Variants in DMD observed in about 807,000 individuals in gnomAD.
DMD encodes the protein mutant dystrophin.
In DMD, 63 loss-of-function variants were observed where a neutral mutation model predicts 330.1. The ratio of observed to expected loss-of-function variants is 0.19; its 90% CI spans 0.16 to 0.24. The LOEUF is 0.24. Among genes scored for constraint, DMD ranks in the 10% least tolerant of loss-of-function variants. The pLI is 1.00. For synonymous variants in DMD, 1,223 were observed against 959.8 expected, an observed-to-expected ratio of 1.27 and a Z score of -5.07; for missense variants, 3,344 against 2,684.1, an observed-to-expected ratio of 1.25 and a Z score of -5.43.
intron 1 of DMD, among the ~76,000 whole-genome samples, chrX:33,112,470 A>G (rs1343748925): frequency 5.4e-5 from 6 of 111,827 alleles, no homozygotes; most frequent in Admixed American, 3.8e-4. Context: ...AAGAGAGTCT[A>G]TAACGCTATG....
intron 1 of DMD, among the ~76,000 whole-genome samples, chrX:33,204,474 T>C (rs992967245): frequency 9.1e-6 from 1 of 109,572 alleles, no homozygotes; most frequent in Non-Finnish European, 1.9e-5. Flanking sequence ...GCTTTGAATA[T>C]TTTTTTTTTC....
At chrX:32,832,813 C>T (rs771936907) in intron 4 of DMD, among the ~76,000 whole-genome samples, 28 of 111,264 alleles carry the variant, frequency 2.5e-4, no homozygotes, top group Non-Finnish European at 5.1e-4. Flanking sequence ...ATCATAAATA[C>T]GTCGATATAT....
At chrX:33,027,509 T>C (rs911925525) in intron 1 of DMD, among the ~76,000 whole-genome samples, 10 of 112,449 alleles carry the variant, frequency 8.9e-5, no homozygotes, top group Non-Finnish European at 1.7e-4. Context: ...GGTAATTTTA[T>C]AGCAGCAATA....
intron 1 of DMD, among the ~76,000 whole-genome samples, chrX:33,256,411 G>A (rs771490975): frequency 9.1e-6 from 1 of 110,401 alleles, no homozygotes; most frequent in East Asian, 2.8e-4. Context: ...CCATCCTAGC[G>A]TCAAGCATGG....
chrX:32,498,745 A>G (rs1420303594), intron 19 of DMD, among the ~76,000 whole-genome samples: 1 of 111,867 alleles, frequency 8.9e-6, no homozygotes, highest in Non-Finnish European at 1.9e-5. Flanking sequence ...GTATCTTCCA[A>G]TTGATCATAA....
chrX:32,744,405 TTCTCA>T (rs1213519947), intron 7 of DMD, among the ~76,000 whole-genome samples: 2 of 111,076 alleles, frequency 1.8e-5, no homozygotes, highest in Admixed American at 1.9e-4. Flanking sequence ...TGGTGTCTTC[TTCTCA>T]TAAGGCATAT....
intron 44 of DMD, among the ~76,000 whole-genome samples, chrX:32,144,770 C>T (rs1455470154): frequency 8.9e-6 from 1 of 111,913 alleles, no homozygotes; most frequent in African/African-American, 3.2e-5. Context: ...CGGTGGCTCA[C>T]GTCTGGAATT....
intron 29 of DMD, among the ~76,000 whole-genome samples, chrX:32,436,258 C>G (rs193098549): frequency 9.0e-6 from 1 of 111,572 alleles, no homozygotes; most frequent in Non-Finnish European, 1.9e-5. Context: ...CTTTTATTTC[C>G]TATTAAAAAT....
intron 1 of DMD, among the ~76,000 whole-genome samples, chrX:33,172,904 G>A (rs2049432529): frequency 9.0e-6 from 1 of 111,166 alleles, no homozygotes; most frequent in African/African-American, 3.3e-5. Flanking sequence ...GCCATAAGGT[G>A]AGACTGATCA....
At chrX:32,137,984 C>T (rs1374186035) in intron 44 of DMD, among the ~76,000 whole-genome samples, 3 of 109,707 alleles carry the variant, frequency 2.7e-5, no homozygotes, top group Non-Finnish European at 5.7e-5. Context: ...TGGCAGATCT[C>T]GGTGGGCCCA....
At chrX:31,498,802 G>A (rs923895707) in intron 56 of DMD, among the ~76,000 whole-genome samples, 2 of 112,039 alleles carry the variant, frequency 1.8e-5, no homozygotes, top group African/African-American at 6.5e-5. Context: ...CAGACTCTAA[G>A]GGTATTATTT....
rs72176984 is a variant in DMD at position 31,242,262 on chromosome X, CAAAAAAAAAA to C, written c.9286+18683_9286+18692del. Among the ~76,000 whole-genome samples, 11 of 24,647 alleles carry C rather than the reference CAAAAAAAAAA, an allele frequency of 4.5e-4. No individual in the cohort carries two copies. In the East Asian group the frequency reaches 6.0e-3, roughly 13 times the overall value. The allele number at this position is 24,647 out of a possible 115,157, so 21.4% of individuals were successfully genotyped here. On this transcript the variant is annotated intron_variant, in intron 63 of 78. Coordinates refer to ENST00000357033, the MANE Select transcript of DMD (RefSeq NM_004006.3). ...CAAAGTGAGACCCTGTCTCAAAAAG[CAAAAAAAAAA>C]AAAAAAAAAAAAAAAAAAATCTGGA...
At chrX:32,503,193 G>T (rs2044235734) in intron 18 of DMD, among the ~76,000 whole-genome samples, 1 of 110,800 alleles carries the variant, frequency 9.0e-6, no homozygotes, top group African/African-American at 3.3e-5. Flanking sequence ...ATCAGCCTAG[G>T]CAAAATCGAG....
chrX:32,438,518 T>G (rs1463230928), intron 28 of DMD, 128 bp from the exon 29 acceptor site: 1 of 836,487 alleles, frequency 1.2e-6, no homozygotes, highest in African/African-American at 2.0e-5. Flanking sequence ...AAATTTTAAT[T>G]GGGATTAAAA....
At chrX:32,372,823 G>T (rs1474493492) in intron 34 of DMD, among the ~76,000 whole-genome samples, 2 of 111,018 alleles carry the variant, frequency 1.8e-5, no homozygotes, top group African/African-American at 6.5e-5. Flanking sequence ...TTCTCAAATG[G>T]CTTTCCTCCT....
chrX:32,645,264 C>A lies in DMD; in HGVS notation c.961-112G>T. On this transcript the variant is annotated intron_variant, in intron 9 of 78. Coordinates refer to ENST00000357033, the MANE Select transcript of DMD (RefSeq NM_004006.3). ...TTAAAATGCTAGGACTGTCCACTGGCATTATCAAACACAGGAACAGCAGAT... is the reference window on the plus strand; with the variant it reads ...TTAAAATGCTAGGACTGTCCACTGGAATTATCAAACACAGGAACAGCAGAT... The A allele has an allele frequency of 6.3e-6, 5 of 799,673 alleles. No homozygotes were observed. The South Asian group carries it at 1.3e-4, about 21-fold the overall frequency. 65.9% of individuals were successfully genotyped at this position (799,673 alleles called of 1,213,427 possible).
chrX:32,517,362 G>T (rs2045957581), intron 18 of DMD: 1 of 111,840 alleles, frequency 8.9e-6, no homozygotes, highest in Admixed American at 9.5e-5. Context: ...TTTCCCTAAA[G>T]ATGAAACACT....
In DMD at chrX:31,925,512, G is replaced by C. The variant is rs942045415; in HGVS notation, c.6912+4084C>G. On this transcript the variant is annotated intron_variant, in intron 47 of 78. Coordinates refer to ENST00000357033, the MANE Select transcript of DMD (RefSeq NM_004006.3). Reference sequence around the variant, plus strand: ...TGGGATTAACGGGGTCAGGGAAGGAGAGCAGAAGAGAATGTGTTACATAAA... The same window carrying C: ...TGGGATTAACGGGGTCAGGGAAGGACAGCAGAAGAGAATGTGTTACATAAA... 4.5e-5 allele frequency among the ~76,000 whole-genome samples: 5 copies of C among 111,752 alleles called. No homozygotes were observed. The South Asian group carries it at 1.9e-3, about 41-fold the overall frequency.
At chrX:31,927,708 G>A (rs1354049909) in intron 47 of DMD, among the ~76,000 whole-genome samples, 4 of 110,204 alleles carry the variant, frequency 3.6e-5, no homozygotes, top group Non-Finnish European at 7.6e-5. Context: ...TGGTTTTAAT[G>A]TCATAAAATT....
Sources: allele counts gnomAD v4.1 joint callset (sites outside exome capture counted in the v4.1 genomes callset), GRCh38; gene constraint gnomAD v4.1.1; transcripts MANE v1.5; gene names NCBI Gene and HGNC (gene_info 2026-07-23, HGNC 2026-07-21).